Variants in CIITA observed in about 807,000 individuals in gnomAD.
The protein encoded by CIITA is MHC class II transactivator.
Under a neutral mutation model 115.1 loss-of-function variants are expected in CIITA, and 72 were observed. That is an observed-to-expected ratio of 0.63 (90% CI 0.52 to 0.76). CIITA has a LOEUF of 0.76. CIITA is among the 30% of genes least tolerant of loss of function. The pLI, the probability that CIITA is intolerant of heterozygous loss-of-function variation, is 0.00. For missense variants in CIITA, 1,617 were observed against 1,463.8 expected, an observed-to-expected ratio of 1.10 and a Z score of -1.71; for synonymous variants, 763 against 635.6, an observed-to-expected ratio of 1.20 and a Z score of -3.02.
chr16:10,881,999 T>G (rs946584748), intron 1 of CIITA, among the ~76,000 whole-genome samples: 3 of 152,258 alleles, frequency 2.0e-5, no homozygotes, highest in African/African-American at 7.2e-5. Flanking sequence ...CCATGTGTAA[T>G]TCCTTTCTAT....
intron 13 of CIITA, among the ~76,000 whole-genome samples, chr16:10,914,077 T>A (rs2039781997): frequency 6.6e-6 from 1 of 152,216 alleles, no homozygotes; most frequent in South Asian, 2.1e-4. Flanking sequence ...TTTCTTTGAT[T>A]ATCTGTCTAT....
chr16:10,867,193 G>A (rs889558278), intron 1 of CIITA, among the ~76,000 whole-genome samples: 11 of 151,866 alleles, frequency 7.2e-5, no homozygotes, highest in South Asian at 2.1e-4. Flanking sequence ...GCAATGAGCC[G>A]AGATCACGCT....
rs1391125445 is a variant in CIITA at position 10,917,868 on chromosome 16, A to G, written c.3063-572A>G. ...AGGTCTTAGGATGGCCAAATAATTT[A>G]CCGGAATTTACTTAGCAATTTCCTT... On this transcript the variant is annotated intron_variant, in intron 15 of 19. Coordinates refer to ENST00000324288, the MANE Select transcript of CIITA (RefSeq NM_000246.4). Among the ~76,000 whole-genome samples the G allele has an allele frequency of 2.0e-5, 3 of 152,218 alleles. No individual in the cohort carries two copies. In the East Asian group the frequency reaches 5.8e-4, roughly 29 times the overall value.
At position 10,907,817 on chromosome 16, in the gene CIITA, G is replaced by A. The variant is rs1165450302; in HGVS notation, c.2325G>A (p.Gly775=). 4.3e-6 allele frequency: 7 copies of A among 1,613,846 alleles called. No homozygotes were observed. Among genetic ancestry groups the A allele is most frequent in the Non-Finnish European group, 5.9e-6 (7 of 1,179,910 alleles). The change falls in exon 11 of 20, where the codon GGG becomes GGA. Residue 775 remains glycine, a synonymous_variant. Transcript: ENST00000324288. This position sits in a 1 kb window ranked among gnomAD's most constrained non-coding sequence, Gnocchi z 5.0. ...CCCGCTGCCTGGGAGCCCTACTCGG[G>A]CCATCGGCGGCTGCCTCGGTGGACA... The part of the protein sequence containing the change: ...PPARCLGALL[G]PSAAASVDRK...
chr16:10,908,282 A>T, intron 11 of CIITA, 133 bp downstream of exon 11: 1 of 1,056,206 alleles, frequency 9.5e-7, no homozygotes, highest in Non-Finnish European at 1.4e-6. Context: ...GATTCTCTCC[A>T]TTTTTAAGAT....
Position 10,933,051 on chromosome 16 carries a change from G to C in CIITA, c.*9196G>C, listed in dbSNP as rs1289216207. ...GAGCCCCAGGCTGAAAAGCACCCCA[G>C]AGCTGGAGCTTATAGAACCCAGGGC... On this transcript the variant is annotated 3_prime_UTR_variant, in exon 20 of 20. Coordinates refer to ENST00000324288, the MANE Select transcript of CIITA (RefSeq NM_000246.4). 2 of 152,230 alleles carry C rather than the reference G, an allele frequency of 1.3e-5. No individual in the cohort carries two copies. Among genetic ancestry groups the C allele is most frequent in the African/African-American group, 2.4e-5 (1 of 41,448 alleles). 9.4% of individuals were successfully genotyped at this position (152,230 alleles called of 1,614,324 possible). A position where few individuals can be genotyped will look rare whatever the true frequency, so the allele number is the denominator to read the frequency against.
downstream of CIITA, chr16:10,939,252 G>T (rs941363070): frequency 6.6e-6 from 1 of 152,160 alleles, no homozygotes; most frequent in Non-Finnish European, 1.5e-5. The surrounding 1 kb of genome is among the most constrained non-coding windows in gnomAD (Gnocchi z 4.9). Context: ...GTCACCTCTG[G>T]CCTGGACAAC....
At chr16:10,869,088 C>G (rs2035295335) in intron 1 of CIITA, among the ~76,000 whole-genome samples, 1 of 152,234 alleles carries the variant, frequency 6.6e-6, no homozygotes, top group African/African-American at 2.4e-5. Context: ...GGAAATCATC[C>G]ATGTGGGGTT....
rs2145391197 is a variant in CIITA at position 10,934,686 on chromosome 16, G to A, written c.*10831G>A. 1 of 152,320 alleles carries A rather than the reference G, an allele frequency of 6.6e-6. No individual in the cohort carries two copies. Among genetic ancestry groups the A allele is most frequent in the East Asian group, 1.9e-4 (1 of 5,196 alleles). 9.4% of individuals were successfully genotyped at this position (152,320 alleles called of 1,614,324 possible). A position where few individuals can be genotyped will look rare whatever the true frequency, so the allele number is the denominator to read the frequency against. ...GCGGCTTCACAGGGTGATGCTTGGG[G>A]CAGGTGATGGAGATGTGGGAGAGGC... is the stretch of plus-strand genomic sequence containing the variant. On this transcript the variant is annotated 3_prime_UTR_variant, in exon 20 of 20. Coordinates refer to ENST00000324288, the MANE Select transcript of CIITA (RefSeq NM_000246.4). The surrounding 1 kb of genome is among the most constrained non-coding windows in gnomAD (Gnocchi z 4.2).
rs2229322 is a variant in CIITA, at chr16:10,922,188, C to T, written c.3171C>T (p.Cys1057=). Residue 1057 remains cysteine, a synonymous_variant, in exon 17 of 20, where the codon TGC becomes TGT. Transcript: ENST00000324288. ...ACAGCTTGTACAATAACTGCATCTG[C>T]GACGTGGGAGCCGAGAGCTTGGCTC... is the stretch of plus-strand genomic sequence containing the variant. ...LRLSLYNNCI[C]DVGAESLARV... is the part of the protein sequence containing the mutation. The T allele has an allele frequency of 0.11, 173,215 of 1,613,726 alleles. 9,765 individuals carry two copies. Among genetic ancestry groups the T allele is most frequent in the East Asian group, 0.16 (7,069 of 44,864 alleles).
Position 10,895,317 on chromosome 16 carries a change from C to T in CIITA, c.88C>T (p.Leu30=). 6.2e-7 allele frequency: 1 copy of T among 1,614,024 alleles called. No homozygotes were observed. Among genetic ancestry groups the T allele is most frequent in the Non-Finnish European group, 8.5e-7 (1 of 1,179,982 alleles). The change falls in exon 2 of 20, where the codon CTA becomes TTA. Residue 30 remains leucine (L), a synonymous_variant. Coordinates refer to ENST00000324288, the MANE Select transcript of CIITA (RefSeq NM_000246.4). ...GTGTGCCACCATGGAGTTGGGGCCC[C>T]TAGAAGGTGGCTACCTGGAGCTTCT... ...SQCATMELGP[L]EGGYLELLNS...
chr16:10,902,044 C>A lies in CIITA; in HGVS notation c.488C>A (p.Pro163His). ...ADLKHWKPAE[P>H]PTVVTGSLLV... Reference sequence around the variant, plus strand: ...ACAGCCCACTTCCTCACAGCTGAGCCCCCCACTGTGGTGACTGGCAGTCTC... The same window carrying A: ...ACAGCCCACTTCCTCACAGCTGAGCACCCCACTGTGGTGACTGGCAGTCTC... The change falls in exon 7 of 20, where the codon CCC becomes CAC. Residue 163 changes from proline (P) to histidine (H), a missense_variant. Physicochemically the swap from Pro to His is moderately conservative, Grantham distance 77. Transcript: ENST00000324288. 1 of 1,614,086 alleles carries A rather than the reference C, an allele frequency of 6.2e-7. No individual in the cohort carries two copies. The highest frequency in any genetic ancestry group is 8.5e-7 in the Non-Finnish European group (1 of 1,180,042).
At chr16:10,877,900 G>A (rs546693750) in intron 1 of CIITA, among the ~76,000 whole-genome samples, 25 of 152,304 alleles carry the variant, frequency 1.6e-4, no homozygotes, top group African/African-American at 6.0e-4. Context: ...AAAGGGTCAG[G>A]GGACGGGGGA....
chr16:10,895,560 C>T, intron 2 of CIITA, 109 bp from the exon 3 acceptor site: 1 of 1,555,962 alleles, frequency 6.4e-7, no homozygotes, highest in Admixed American at 1.7e-5. Context: ...CTGTGGGACG[C>T]TCTCTGCAGA....
chr16:10,879,631 GA>G lies in CIITA; in HGVS notation c.52+2250del, dbSNP rs146850213. On this transcript the variant is annotated intron_variant, in intron 1 of 19. Transcript: ENST00000324288. The surrounding 1 kb of genome is among the most constrained non-coding windows in gnomAD (Gnocchi z 4.3). ...TCTTGGCGAAGGTGTGTGTTGTTGG[GA>G]GGGGTGGGGGAGGGATCCCCCCGGA... 5.4e-4 allele frequency among the ~76,000 whole-genome samples: 82 copies of G among 152,068 alleles called. No individual in the cohort carries two copies. The highest frequency in any genetic ancestry group is 1.9e-3 in the African/African-American group (80 of 41,516).
chr16:10,902,076 G>A lies in CIITA; in HGVS notation c.520G>A (p.Gly174Arg), dbSNP rs8046121. ...PTVVTGSLLV[G>R]PVSDCSTLPC... ...TGTGGTGACTGGCAGTCTCCTAGTG[G>A]GACCAGTGAGCGACTGCTCCACCCT... Residue 174 changes from glycine (G) to arginine (R), a missense_variant, in exon 7 of 20, where the codon GGA becomes AGA. Coordinates refer to ENST00000324288, the MANE Select transcript of CIITA (RefSeq NM_000246.4). The A allele has an allele frequency of 2.6e-3, 4,126 of 1,614,124 alleles. 95 individuals carry two copies. In the African/African-American group the frequency reaches 0.048, roughly 19 times the overall value.
rs1364599197 is a variant in CIITA at position 10,928,528 on chromosome 16, T to C, written c.*4673T>C. The C allele has an allele frequency of 1.3e-5, 2 of 152,328 alleles. No individual in the cohort carries two copies. The highest frequency in any genetic ancestry group is 4.8e-5 in the African/African-American group (2 of 41,448). 9.4% of individuals were successfully genotyped at this position (152,328 alleles called of 1,614,324 possible). ...CTGGTCTCGAACTCCTAACCTCAAG[T>C]GATCTGCCCGCCTCGGCCTTCCAAA... On this transcript the variant is annotated 3_prime_UTR_variant, in exon 20 of 20. Transcript: ENST00000324288.
chr16:10,866,874 C>G (rs770144506), intron 1 of CIITA, among the ~76,000 whole-genome samples: 14 of 152,180 alleles, frequency 9.2e-5, no homozygotes, highest in Admixed American at 6.5e-5. Flanking sequence ...CATGGATGGA[C>G]AGATCAGCTC....
chr16:10,915,714 A>C, intron 14 of CIITA, 64 bp downstream of exon 14: 12 of 1,423,960 alleles, frequency 8.4e-6, no homozygotes, highest in East Asian at 2.3e-5. Flanking sequence ...ATCATAGCTC[A>C]CTGCAGCCTC....
Sources: allele counts gnomAD v4.1 joint callset (sites outside exome capture counted in the v4.1 genomes callset), GRCh38; gene constraint gnomAD v4.1.1; non-coding constraint Gnocchi (gnomAD v3.1); transcripts MANE v1.5; gene names NCBI Gene and HGNC (gene_info 2026-07-23, HGNC 2026-07-21).